Variants in MATCAP2 observed in about 807,000 individuals in gnomAD.
MATCAP2 encodes microtubule associated tyrosine carboxypeptidase 2, also known as putative tyrosine carboxypeptidase MATCAP2.
the MATCAP2 span, chr7:36,335,144 C>T: frequency 5.0e-6 from 8 of 1,613,808 alleles, no homozygotes; most frequent in South Asian, 1.1e-5. Context: ...CATTGACGCT[C>T]GGGAAAGCAG....
the MATCAP2 span, among the ~76,000 whole-genome samples, chr7:36,360,882 T>C: frequency 6.6e-6 from 1 of 152,182 alleles, no homozygotes; most frequent in East Asian, 1.9e-4. Context: ...ACTCGTGTTT[T>C]CCCAGAAAAG....
chr7:36,347,848 T>A, the MATCAP2 span, among the ~76,000 whole-genome samples: 1,918 of 152,046 alleles, frequency 0.013, 45 homozygotes, highest in African/African-American at 0.044. Flanking sequence ...ATCTAAAACT[T>A]CCCCCCCAAA....
At chr7:36,366,794 G>A in the MATCAP2 span, 9 of 1,533,790 alleles carry the variant, frequency 5.9e-6, no homozygotes, top group Non-Finnish European at 7.0e-6. Context: ...CGAAGGGGTC[G>A]GGGCGCAGGG....
the MATCAP2 span, among the ~76,000 whole-genome samples, chr7:36,372,308 G>C: frequency 6.6e-6 from 1 of 152,022 alleles, no homozygotes; most frequent in African/African-American, 2.4e-5. Flanking sequence ...ATTGTTTCTT[G>C]ATTCATAAAA....
chr7:36,328,238 G>T, the MATCAP2 span, among the ~76,000 whole-genome samples: 3 of 42,816 alleles, frequency 7.0e-5, no homozygotes, highest in African/African-American at 1.1e-4. Flanking sequence ...TTTTGTTTTT[G>T]TAGGGGGGGG....
the MATCAP2 span, chr7:36,335,246 AG>A: frequency 7.1e-7 from 1 of 1,402,988 alleles, no homozygotes; most frequent in African/African-American, 1.4e-5. Flanking sequence ...AAGCTTTCAC[AG>A]AAAACAATGG....
chr7:36,359,220 G>A, the MATCAP2 span, among the ~76,000 whole-genome samples: 1 of 152,202 alleles, frequency 6.6e-6, no homozygotes, highest in African/African-American at 2.4e-5. Flanking sequence ...ATTTGGCAAT[G>A]TCTAGAGACA....
chr7:36,363,066 GA>G, the MATCAP2 span, among the ~76,000 whole-genome samples: 8 of 152,160 alleles, frequency 5.3e-5, no homozygotes, highest in Non-Finnish European at 1.2e-4. Context: ...TGAGAGGAAA[GA>G]AAGGGTAAAA....
At chr7:36,354,998 G>A in the MATCAP2 span, among the ~76,000 whole-genome samples, 1 of 152,224 alleles carries the variant, frequency 6.6e-6, no homozygotes, top group East Asian at 1.9e-4. Context: ...TTCCCAACAG[G>A]TAGGGGTGGG....
At chr7:36,381,470 A>G in the MATCAP2 span, among the ~76,000 whole-genome samples, 1 of 152,088 alleles carries the variant, frequency 6.6e-6, no homozygotes, top group Non-Finnish European at 1.5e-5. Context: ...CAGGAGTTTG[A>G]GACCAGCCTG....
the MATCAP2 span, chr7:36,390,182 G>C: frequency 6.8e-7 from 1 of 1,463,040 alleles, no homozygotes. Context: ...TGCGGGCCGG[G>C]GTCGCCGCGG....
the MATCAP2 span, among the ~76,000 whole-genome samples, chr7:36,336,740 C>T: frequency 4.9e-4 from 75 of 151,918 alleles, 1 homozygote; most frequent in African/African-American, 1.8e-3. Flanking sequence ...TTTAAGAACA[C>T]ACATAAGAAT....
At chr7:36,333,693 A>G in the MATCAP2 span, among the ~76,000 whole-genome samples, 1 of 152,326 alleles carries the variant, frequency 6.6e-6, no homozygotes, top group Middle Eastern at 3.4e-3. Flanking sequence ...GGGTAAAAAT[A>G]ATGCTAAGAA....
the MATCAP2 span, among the ~76,000 whole-genome samples, chr7:36,361,638 C>G: frequency 6.6e-6 from 1 of 152,186 alleles, no homozygotes; most frequent in Non-Finnish European, 1.5e-5. Context: ...TGCCTGTAGT[C>G]CCAGCTATTC....
chr7:36,369,716 T>C, the MATCAP2 span, among the ~76,000 whole-genome samples: 3 of 152,140 alleles, frequency 2.0e-5, no homozygotes, highest in Non-Finnish European at 4.4e-5. Flanking sequence ...ATGATACCTA[T>C]CCTCAAGGAC....
the MATCAP2 span, among the ~76,000 whole-genome samples, chr7:36,365,898 T>C: frequency 6.6e-6 from 1 of 152,240 alleles, no homozygotes; most frequent in Non-Finnish European, 1.5e-5. Flanking sequence ...TGGAACTATG[T>C]TTCCTGTCAA....
At chr7:36,342,532 ACT>A in the MATCAP2 span, among the ~76,000 whole-genome samples, 4 of 152,040 alleles carry the variant, frequency 2.6e-5, no homozygotes, top group Non-Finnish European at 5.9e-5. Flanking sequence ...GGAAGTCAAG[ACT>A]CTGAAGACTC....
chr7:36,325,328 G>A, the MATCAP2 span: 1 of 152,182 alleles, frequency 6.6e-6, no homozygotes, highest in African/African-American at 2.4e-5. Flanking sequence ...TCATGGTTTT[G>A]CAAGAACCTT....
the MATCAP2 span, chr7:36,357,089 T>C: frequency 1.2e-6 from 2 of 1,614,204 alleles, no homozygotes; most frequent in South Asian, 2.2e-5. Flanking sequence ...GTCATCTCCC[T>C]TTTCAAAGCT....
Sources: allele counts gnomAD v4.1 joint callset (sites outside exome capture counted in the v4.1 genomes callset), GRCh38; gene constraint gnomAD v4.1.1; transcripts MANE v1.5; gene names NCBI Gene and HGNC (gene_info 2026-07-23, HGNC 2026-07-21).